RFX6: variants seen among roughly 807,000 people sequenced by gnomAD.
The protein encoded by RFX6 is DNA-binding protein RFX6.
Under a neutral mutation model 110.8 loss-of-function variants are expected in RFX6, and 50 were observed. The observed-to-expected ratio is 0.45, with a 90% CI of 0.36 to 0.57. The LOEUF is 0.57. Among genes scored for constraint, RFX6 ranks in the 20% least tolerant of loss-of-function variants. The pLI is 0.00. For missense variants in RFX6, 990 were observed against 1,127.0 expected (o/e 0.88, Z 1.74); for synonymous variants, 383 against 411.2 (o/e 0.93, Z 0.83).
At chr6:116,918,145 T>C in intron 10 of RFX6, 59 bp downstream of exon 10, 1 of 1,168,902 alleles carries the variant, frequency 8.6e-7, no homozygotes, top group South Asian at 1.2e-5. Flanking sequence ...TTATACATTA[T>C]ATTAGAAGAA....
chr6:116,904,648 C>T (rs1002479320), intron 6 of RFX6, among the ~76,000 whole-genome samples: 2 of 152,122 alleles, frequency 1.3e-5, no homozygotes, highest in African/African-American at 4.8e-5. Flanking sequence ...CTGAAACTCT[C>T]TACTCATTGA....
intron 6 of RFX6, among the ~76,000 whole-genome samples, chr6:116,900,050 C>T (rs907265867): frequency 6.6e-6 from 1 of 151,948 alleles, no homozygotes; most frequent in Admixed American, 6.6e-5. Flanking sequence ...ACCAAATAAA[C>T]AAAAATTAAG....
intron 6 of RFX6, among the ~76,000 whole-genome samples, chr6:116,905,486 CA>C (rs1775178672): frequency 6.6e-6 from 1 of 151,984 alleles, no homozygotes; most frequent in Admixed American, 6.6e-5. Context: ...TCATTCCATA[CA>C]TTGCCTTTCT....
chr6:116,882,261 G>A, intron 3 of RFX6, 106 bp from the exon 4 acceptor site: 2 of 789,212 alleles, frequency 2.5e-6, no homozygotes, highest in Admixed American at 1.9e-5. Context: ...TTCACTCACA[G>A]TTCATTCAGA....
chr6:116,919,023 G>A, intron 10 of RFX6, 114 bp from the exon 11 acceptor site: 2 of 964,666 alleles, frequency 2.1e-6, no homozygotes, highest in Non-Finnish European at 3.2e-6. Context: ...TAGGCTGTCT[G>A]ACTTCAAAAG....
Position 116,880,807 on chromosome 6 carries a change from CTG to C in RFX6, c.504+142_504+143del, listed in dbSNP as rs372661046. ...GCAGGCATAAATTGTCTTAAGGACTCTGTTTGGAATTGCTATATGTTTATAAC... is the reference window on the plus strand; with the variant it reads ...GCAGGCATAAATTGTCTTAAGGACTCTTTGGAATTGCTATATGTTTATAAC... On this transcript the variant is annotated intron_variant, in intron 3 of 18. Transcript: ENST00000332958. 44 of 893,534 alleles carry C rather than the reference CTG, an allele frequency of 4.9e-5. 1 individual carries two copies. The Middle Eastern group carries it at 8.7e-4, about 18-fold the overall frequency. The allele number at this position is 893,534 out of a possible 1,614,324, so 55.4% of individuals were successfully genotyped here.
chr6:116,913,008 CTT>C (rs1355911722), intron 7 of RFX6, among the ~76,000 whole-genome samples: 1 of 152,152 alleles, frequency 6.6e-6, no homozygotes, highest in African/African-American at 2.4e-5. Flanking sequence ...CCTCAGGTAA[CTT>C]ATCAGTTCCT....
intron 1 of RFX6, 106 bp from the exon 2 acceptor site, chr6:116,877,690 G>T: frequency 8.0e-6 from 4 of 500,508 alleles, no homozygotes; most frequent in South Asian, 2.0e-5. Flanking sequence ...CCTCCCCTCC[G>T]CCCCCACCCC....
Position 116,916,079 on chromosome 6 carries a change from TGAA to T in RFX6, c.855_857del (p.Glu286del). On this transcript the variant is annotated inframe_deletion, in exon 8 of 19. Transcript: ENST00000332958. ...TGGACAATGCAATTAATGGAAACTT[TGAA>T]GAGGTAAGAATGACAAAGAATGCTT... 1 of 1,606,500 alleles carries T rather than the reference TGAA, an allele frequency of 6.2e-7. No individual in the cohort carries two copies. The highest frequency in any genetic ancestry group is 8.5e-7 in the Non-Finnish European group (1 of 1,173,296).
intron 4 of RFX6, among the ~76,000 whole-genome samples, chr6:116,883,617 G>A (rs1159196219): frequency 6.6e-6 from 1 of 151,904 alleles, no homozygotes; most frequent in Non-Finnish European, 1.5e-5. Context: ...TTCATACTAC[G>A]TTTTTGAAAT....
At chr6:116,930,380 C>T (rs1173299485) in intron 18 of RFX6, among the ~76,000 whole-genome samples, 5 of 152,066 alleles carry the variant, frequency 3.3e-5, no homozygotes. Flanking sequence ...TGAGAACCGA[C>T]TAGGAGCCAG....
intron 2 of RFX6, 125 bp downstream of exon 2, chr6:116,878,077 T>G (rs576677282): frequency 9.8e-7 from 1 of 1,019,708 alleles, no homozygotes; most frequent in African/African-American, 1.6e-5. Flanking sequence ...AAAAAACCAA[T>G]TAGAATTTAA....
intron 6 of RFX6, among the ~76,000 whole-genome samples, chr6:116,899,827 T>C (rs185738258): frequency 6.6e-6 from 1 of 152,188 alleles, no homozygotes; most frequent in Admixed American, 6.5e-5. Context: ...AACACACACA[T>C]TGGAAACTTC....
chr6:116,902,079 G>A (rs1204224866), intron 6 of RFX6, among the ~76,000 whole-genome samples: 1 of 151,892 alleles, frequency 6.6e-6, no homozygotes, highest in Non-Finnish European at 1.5e-5. Flanking sequence ...AGTGAAAAAA[G>A]CACATTGAAA....
Position 116,877,777 on chromosome 6 carries a change from C to A in RFX6, c.224-19C>A, listed in dbSNP as rs1774495589. 1.3e-6 allele frequency: 2 copies of A among 1,548,266 alleles called. No individual in the cohort carries two copies. Among genetic ancestry groups the A allele is most frequent in the Admixed American group, 1.7e-5 (1 of 57,744 alleles). On this transcript the variant is annotated intron_variant, in intron 1 of 18. Coordinates refer to ENST00000332958, the MANE Select transcript of RFX6 (RefSeq NM_173560.4). ...TTTATATTCTATTTTTCTTTATCAT[C>A]CCTTCAACTGGCAATCAGAAATGCA...
rs114532256 is a variant in RFX6 at position 116,931,085 on chromosome 6, G to A, written c.2612-246G>A. Among the ~76,000 whole-genome samples the A allele has an allele frequency of 3.5e-3, 540 of 152,142 alleles. 2 individuals are homozygous for A. Among genetic ancestry groups the A allele is most frequent in the African/African-American group, 0.012 (505 of 41,496 alleles). Reference sequence around the variant, plus strand: ...GGTTGATTGGGGGATATATTTTGGCGGTAGCACTTAAGTTGAAATGGAGTT... The same window carrying A: ...GGTTGATTGGGGGATATATTTTGGCAGTAGCACTTAAGTTGAAATGGAGTT... On this transcript the variant is annotated intron_variant, in intron 18 of 18. Transcript: ENST00000332958.
At chr6:116,918,137 A>G (rs1281235685) in intron 10 of RFX6, 51 bp downstream of exon 10, 1 of 1,227,336 alleles carries the variant, frequency 8.1e-7, no homozygotes, top group Non-Finnish European at 1.2e-6. Context: ...ATTTAACTTT[A>G]TACATTATAT....
intron 17 of RFX6, among the ~76,000 whole-genome samples, chr6:116,927,954 G>A (rs113594965): frequency 1.9e-4 from 29 of 151,372 alleles, no homozygotes; most frequent in African/African-American, 6.8e-4. Flanking sequence ...TGTTTGCCCA[G>A]GCTGGTCTCA....
chr6:116,904,057 G>A (rs1437167379), intron 6 of RFX6, among the ~76,000 whole-genome samples: 1 of 151,822 alleles, frequency 6.6e-6, no homozygotes, highest in African/African-American at 2.4e-5. Flanking sequence ...TCTTATGCTT[G>A]GTATTAAATG....
Sources: gnomAD v4.1 joint callset for allele counts (sites outside exome capture counted in the v4.1 genomes callset) on GRCh38, gnomAD v4.1.1 for gene constraint, MANE v1.5 for transcripts, NCBI Gene and HGNC (gene_info 2026-07-23, HGNC 2026-07-21) for gene names.